RAVER2: variants seen among roughly 807,000 people sequenced by gnomAD.
RAVER2 encodes ribonucleoprotein, PTB binding 2.
In RAVER2, 46 loss-of-function variants were observed where a neutral mutation model predicts 78.1. The observed-to-expected ratio is 0.59, with a 90% CI of 0.46 to 0.75. The LOEUF (loss-of-function observed/expected upper bound fraction) is 0.75. RAVER2 is among the 30% of genes least tolerant of loss of function. The pLI, the probability that RAVER2 is intolerant of heterozygous loss-of-function variation, is 0.00. For synonymous variants in RAVER2, 311 were observed against 313.3 expected (o/e 0.99, Z 0.08); for missense variants, 793 against 837.5 (o/e 0.95, Z 0.66).
chr1:64,812,152 G>A (rs1002042017), intron 9 of RAVER2, among the ~76,000 whole-genome samples: 1 of 152,012 alleles, frequency 6.6e-6, no homozygotes, highest in Non-Finnish European at 1.5e-5. Context: ...CGAAGGTCAG[G>A]AGTTCAAGAT....
intron 11 of RAVER2, among the ~76,000 whole-genome samples, chr1:64,826,920 G>T (rs1439099724): frequency 6.6e-6 from 1 of 152,144 alleles, no homozygotes; most frequent in Non-Finnish European, 1.5e-5. Flanking sequence ...CTAGAAAAAT[G>T]AATTTGTTAT....
chr1:64,745,591 CGCCCT>C lies in RAVER2; in HGVS notation c.249+174_249+178del, dbSNP rs67544517. Among the ~76,000 whole-genome samples, 7,026 of 152,010 alleles carry C rather than the reference CGCCCT, an allele frequency of 0.046. 384 individuals carry two copies. Among genetic ancestry groups the C allele is most frequent in the East Asian group, 0.26 (1,331 of 5,082 alleles). ...GTTCTTGGGGTTTCTAGCCTGCAGA[CGCCCT>C]GCCAGGGAGGGGGGCAGATTGGGAA... On this transcript the variant is annotated intron_variant, in intron 1 of 11. Transcript: ENST00000294428. This position sits in a 1 kb window ranked among gnomAD's most constrained non-coding sequence, Gnocchi z 4.3.
intron 9 of RAVER2, among the ~76,000 whole-genome samples, chr1:64,808,967 G>C (rs145893654): frequency 6.6e-6 from 1 of 152,228 alleles, no homozygotes; most frequent in Non-Finnish European, 1.5e-5. Context: ...TCTACAAGAG[G>C]ACAGCCAAAA....
chr1:64,753,757 T>G (rs1275461312), intron 1 of RAVER2, among the ~76,000 whole-genome samples: 2 of 151,882 alleles, frequency 1.3e-5, no homozygotes, highest in Non-Finnish European at 2.9e-5. Context: ...CTCCTGACCT[T>G]GTGATCTGCC....
intron 9 of RAVER2, among the ~76,000 whole-genome samples, chr1:64,810,277 A>G (rs1002037134): frequency 4.6e-5 from 7 of 152,182 alleles, no homozygotes; most frequent in Non-Finnish European, 7.4e-5. Flanking sequence ...AATACCATAG[A>G]CTGGGTGGTT....
intron 1 of RAVER2, among the ~76,000 whole-genome samples, chr1:64,749,331 C>T (rs1651630879): frequency 6.6e-6 from 1 of 152,226 alleles, no homozygotes; most frequent in African/African-American, 2.4e-5. Flanking sequence ...CTGCCTCAGC[C>T]TCCCGAGTAG....
chr1:64,801,617 C>G (rs895919093), intron 5 of RAVER2, among the ~76,000 whole-genome samples: 2 of 150,274 alleles, frequency 1.3e-5, no homozygotes, highest in African/African-American at 4.9e-5. Context: ...CGCCTGTAAT[C>G]CTAGCACTTT....
intron 1 of RAVER2, among the ~76,000 whole-genome samples, chr1:64,762,928 TAATA>T (rs893049133): frequency 3.9e-5 from 6 of 152,186 alleles, no homozygotes; most frequent in African/African-American, 1.4e-4. Context: ...AAGACATTAC[TAATA>T]AATCAGTAGG....
At chr1:64,831,706 CA>C (rs1326675830) in exon 12 of RAVER2, 1 of 152,160 alleles carries the variant, frequency 6.6e-6, no homozygotes, top group Non-Finnish European at 1.5e-5. Flanking sequence ...TTTGGTCTAC[CA>C]CCCGCTTTTG....
intron 11 of RAVER2, among the ~76,000 whole-genome samples, chr1:64,820,792 T>C (rs1325793620): frequency 6.6e-6 from 1 of 152,052 alleles, no homozygotes; most frequent in Non-Finnish European, 1.5e-5. Flanking sequence ...ATGTACCACA[T>C]ATCCAGTCTG....
chr1:64,760,105 G>T (rs1380412233), intron 1 of RAVER2, among the ~76,000 whole-genome samples: 1 of 122,456 alleles, frequency 8.2e-6, no homozygotes, highest in Non-Finnish European at 1.8e-5. Context: ...TTGTGATGTG[G>T]AAAAAAAAAA....
chr1:64,832,747 G>GTAAC (rs1191032984), exon 12 of RAVER2: 3 of 152,300 alleles, frequency 2.0e-5, no homozygotes, highest in African/African-American at 7.2e-5. Flanking sequence ...CTACCTATAA[G>GTAAC]TAACTGATAA....
intron 1 of RAVER2, among the ~76,000 whole-genome samples, chr1:64,751,819 G>C (rs1002567220): frequency 1.3e-5 from 2 of 151,460 alleles, no homozygotes; most frequent in African/African-American, 4.9e-5. Flanking sequence ...AACTTTCCTC[G>C]CTCAGCTAAA....
chr1:64,791,031 A>G (rs1652924793), intron 5 of RAVER2, among the ~76,000 whole-genome samples: 1 of 152,192 alleles, frequency 6.6e-6, no homozygotes, highest in Admixed American at 6.5e-5. Flanking sequence ...CTCAGGTTCA[A>G]TAGTTCAATA....
intron 11 of RAVER2, among the ~76,000 whole-genome samples, chr1:64,829,379 T>C (rs926996363): frequency 2.0e-5 from 3 of 152,188 alleles, no homozygotes; most frequent in Admixed American, 6.5e-5. Context: ...GGAAAGCTGC[T>C]AAAAAGAGTT....
exon 3 of RAVER2, chr1:64,777,755 C>G: frequency 6.2e-7 from 1 of 1,613,988 alleles, no homozygotes. Context: ...ACCAACGTGC[C>G]CATTTCTTTT....
chr1:64,798,159 T>G (rs1265752541), intron 5 of RAVER2, among the ~76,000 whole-genome samples: 7 of 133,988 alleles, frequency 5.2e-5, no homozygotes, highest in African/African-American at 1.7e-4. Context: ...CACCTATGAG[T>G]GAGAATATGC....
At chr1:64,748,066 T>G (rs1388274308) in intron 1 of RAVER2, among the ~76,000 whole-genome samples, 1 of 152,182 alleles carries the variant, frequency 6.6e-6, no homozygotes, top group Non-Finnish European at 1.5e-5. Flanking sequence ...GTTCCTATAA[T>G]TAAAAGGCAT....
At chr1:64,827,062 G>C (rs1654019782) in intron 11 of RAVER2, among the ~76,000 whole-genome samples, 1 of 152,104 alleles carries the variant, frequency 6.6e-6, no homozygotes, top group Admixed American at 6.5e-5. Context: ...AGAGTTATGG[G>C]CCTCTAGAGG....
Sources: gnomAD v4.1 joint callset for allele counts (sites outside exome capture counted in the v4.1 genomes callset) on GRCh38, gnomAD v4.1.1 for gene constraint, Gnocchi (gnomAD v3.1) non-coding constraint, MANE v1.5 for transcripts, NCBI Gene and HGNC (gene_info 2026-07-23, HGNC 2026-07-21) for gene names.